ANK2: variants seen among roughly 807,000 people sequenced by gnomAD.
The protein encoded by ANK2 is ankyrin 2.
In ANK2, 83 loss-of-function variants were observed where a neutral mutation model predicts 360.5. The ratio of observed to expected loss-of-function variants is 0.23; its 90% CI spans 0.19 to 0.28. ANK2 has a LOEUF of 0.28. Ranked by LOEUF, ANK2 falls within the 10% of genes least tolerant of loss-of-function variation. The probability of loss-of-function intolerance (pLI) is 1.00; values close to 1 mark genes in which losing one functional copy is unlikely to be tolerated. For synonymous variants in ANK2, 1,740 were observed against 1,759.5 expected, an observed-to-expected ratio of 0.99 and a Z score of 0.28; for missense variants, 4,201 against 4,795.7, an observed-to-expected ratio of 0.88 and a Z score of 3.66.
intron 2 of ANK2, among the ~76,000 whole-genome samples, chr4:113,001,246 G>A (rs781656978): frequency 5.4e-5 from 8 of 148,086 alleles, no homozygotes; most frequent in South Asian, 2.1e-4. Context: ...CAGGAGAATC[G>A]CTTGAACCTG....
At chr4:112,961,855 C>T (rs2034997712) in intron 2 of ANK2, among the ~76,000 whole-genome samples, 1 of 152,112 alleles carries the variant, frequency 6.6e-6, no homozygotes, top group African/African-American at 2.4e-5. Flanking sequence ...TTGAAAACCT[C>T]TAAAATATAA....
At chr4:113,217,114 A>G (rs2099093736) in intron 4 of ANK2, 2 of 152,196 alleles carry the variant, frequency 1.3e-5, no homozygotes, top group African/African-American at 4.8e-5. Context: ...AAGAACAGCC[A>G]CCGGTACACT....
intron 11 of ANK2, among the ~76,000 whole-genome samples, chr4:113,256,153 T>C (rs1303041098): frequency 6.6e-6 from 1 of 152,238 alleles, no homozygotes; most frequent in Non-Finnish European, 1.5e-5. Context: ...CAATGTAACA[T>C]TTCTGAAACT....
chr4:113,084,225 G>A (rs1257380315), intron 1 of ANK2, among the ~76,000 whole-genome samples: 11 of 152,208 alleles, frequency 7.2e-5, no homozygotes, highest in Non-Finnish European at 1.5e-4. Context: ...GTAACCTGTT[G>A]TATGGTCAAA....
intron 2 of ANK2, among the ~76,000 whole-genome samples, chr4:112,905,332 T>C (rs1230269039): frequency 6.6e-6 from 1 of 152,148 alleles, no homozygotes; most frequent in African/African-American, 2.4e-5. Context: ...TTGTACTAGA[T>C]TAGTAATTTA....
intron 35 of ANK2, 56 bp downstream of exon 35, chr4:113,346,078 T>C: frequency 6.2e-7 from 1 of 1,605,288 alleles, no homozygotes; most frequent in Non-Finnish European, 8.5e-7. Context: ...GATTTTTAAA[T>C]CTTGTTTTAG....
At chr4:113,211,757 T>A (rs1477140773) in intron 4 of ANK2, among the ~76,000 whole-genome samples, 3 of 152,216 alleles carry the variant, frequency 2.0e-5, no homozygotes, top group Non-Finnish European at 2.9e-5. Flanking sequence ...ATTTGTGTCT[T>A]CTGATATCTG....
At chr4:112,873,341 C>T (rs2073907033) in intron 1 of ANK2, among the ~76,000 whole-genome samples, 1 of 151,684 alleles carries the variant, frequency 6.6e-6, no homozygotes, top group Non-Finnish European at 1.5e-5. Flanking sequence ...ATAAAATAGG[C>T]ATTTACCATT....
At chr4:113,044,350 G>A (rs950077246) in intron 2 of ANK2, among the ~76,000 whole-genome samples, 3 of 152,190 alleles carry the variant, frequency 2.0e-5, no homozygotes, top group African/African-American at 7.2e-5. Context: ...GCTAGCACAT[G>A]AATAGAGATT....
intron 4 of ANK2, among the ~76,000 whole-genome samples, chr4:113,227,193 G>C (rs2099234379): frequency 6.6e-6 from 1 of 152,142 alleles, no homozygotes; most frequent in Non-Finnish European, 1.5e-5. Flanking sequence ...AGTTAAGAGA[G>C]AATAATTTCC....
chr4:112,710,572 C>T, the ANK2 span, among the ~76,000 whole-genome samples: 1 of 152,008 alleles, frequency 6.6e-6, no homozygotes, highest in Non-Finnish European at 1.5e-5. Flanking sequence ...GTGGCGGGCG[C>T]CTGCAATCCC....
In ANK2 at chr4:113,142,918, G is replaced by A. The variant is rs569658787; in HGVS notation, c.85-31498G>A. 1.4e-3 allele frequency among the ~76,000 whole-genome samples: 218 copies of A among 151,998 alleles called. No homozygotes were observed. In the South Asian group the frequency reaches 0.015, roughly 10 times the overall value. On this transcript the variant is annotated intron_variant, in intron 1 of 45. Transcript: ENST00000357077. ...TTAACCTTTTTTTCAAAGGCCAAAA[G>A]GGAGGTTTATTGAAAATCTGGAAAA...
chr4:112,785,367 ATTTTCCTTT>A, the ANK2 span, among the ~76,000 whole-genome samples: 4,244 of 149,694 alleles, frequency 0.028, 131 homozygotes, highest in African/African-American at 0.07. Context: ...TTATTTATTT[ATTTTCCTTT>A]TTTTCCTTTT....
chr4:113,198,091 T>A (rs2098776189), intron 3 of ANK2, among the ~76,000 whole-genome samples: 1 of 152,222 alleles, frequency 6.6e-6, no homozygotes, highest in Non-Finnish European at 1.5e-5. Context: ...ATTAAGCCAA[T>A]TATTTTTGCC....
chr4:113,126,091 T>C (rs899843509), intron 1 of ANK2, among the ~76,000 whole-genome samples: 1 of 152,216 alleles, frequency 6.6e-6, no homozygotes, highest in Non-Finnish European at 1.5e-5. Context: ...AAGAAATTTA[T>C]TGTGGTTCCC....
At chr4:112,878,004 T>A (rs1178315997) in intron 1 of ANK2, among the ~76,000 whole-genome samples, 1 of 152,244 alleles carries the variant, frequency 6.6e-6, no homozygotes, top group Admixed American at 6.5e-5. Context: ...TTTGTTGGAT[T>A]CTCAGGGTCC....
intron 2 of ANK2, among the ~76,000 whole-genome samples, chr4:112,989,710 G>C (rs1326321749): frequency 6.6e-6 from 1 of 152,192 alleles, no homozygotes; most frequent in Non-Finnish European, 1.5e-5. Context: ...GAGAATGGCA[G>C]GAAGTCAGGG....
intron 1 of ANK2, among the ~76,000 whole-genome samples, chr4:113,159,744 A>T (rs1429548845): frequency 6.6e-6 from 1 of 151,522 alleles, no homozygotes; most frequent in Non-Finnish European, 1.5e-5. Context: ...AGTAGCTGGG[A>T]TTATAGGCAC....
chr4:113,202,000 T>G (rs1261920610), intron 4 of ANK2, among the ~76,000 whole-genome samples: 1 of 152,192 alleles, frequency 6.6e-6, no homozygotes, highest in Non-Finnish European at 1.5e-5. Context: ...AACATTCATA[T>G]TGTGCGAAAG....
Sources: gnomAD v4.1 joint callset for allele counts (sites outside exome capture counted in the v4.1 genomes callset) on GRCh38, gnomAD v4.1.1 for gene constraint, MANE v1.5 for transcripts, NCBI Gene and HGNC (gene_info 2026-07-23, HGNC 2026-07-21) for gene names.